The following STRIP1 variants were observed in gnomAD, a reference collection of about 807,000 sequenced individuals.
STRIP1 encodes striatin-interacting protein 1.
In STRIP1, 63 loss-of-function variants were observed where a neutral mutation model predicts 106.2. The observed-to-expected ratio is 0.59, with a 90% confidence interval of 0.48 to 0.73. STRIP1 has a LOEUF of 0.73. Among genes scored for constraint, STRIP1 ranks in the 30% least tolerant of loss-of-function variants. STRIP1 has a pLI of 0.00. For missense variants in STRIP1, 857 were observed against 1,074.8 expected, an observed-to-expected ratio of 0.80 and a Z score of 2.83; for synonymous variants, 390 against 413.0, an observed-to-expected ratio of 0.94 and a Z score of 0.67.
intron 17 of STRIP1, 108 bp from the exon 18 acceptor site, chr1:110,050,235 G>A: frequency 2.9e-6 from 3 of 1,032,956 alleles, no homozygotes; most frequent in Admixed American, 3.8e-5. Context: ...TCCTACTTCT[G>A]CTCCAACAAG....
At chr1:110,050,869 G>C (rs994229989) in intron 18 of STRIP1, 87 bp from the exon 19 acceptor site, 5 of 789,406 alleles carry the variant, frequency 6.3e-6, no homozygotes, top group East Asian at 2.5e-5. Context: ...AGACCCGGCT[G>C]TCCTGAGATC....
At position 110,037,887 on chromosome 1, in the gene STRIP1, G is replaced by GCAGGGCTATT; in HGVS notation, c.181-2_188dup. The stretch of plus-strand genomic sequence containing the variant: ...TTCCTAAAGCTCTCTCCTCTTGTCA[G>GCAGGGCTATT]CAGGGCTATTCGGAGTCACCAGACC... On this transcript the variant is annotated splice_polypyrimidine_tract_variant and splice_region_variant and intron_variant, in intron 1 of 20. Transcript: ENST00000369795. 4.4e-6 allele frequency: 7 copies of GCAGGGCTATT among 1,602,904 alleles called. No individual in the cohort carries two copies. The highest frequency in any genetic ancestry group is 6.0e-6 in the Non-Finnish European group (7 of 1,170,488).
intron 18 of STRIP1, 108 bp from the exon 19 acceptor site, chr1:110,050,848 T>C (rs1653264878): frequency 1.4e-6 from 1 of 695,350 alleles, no homozygotes; most frequent in African/African-American, 1.8e-5. Context: ...GGATTCCTGG[T>C]AGAGGCCTGG....
chr1:110,044,380 G>A (rs1029959243), intron 10 of STRIP1, among the ~76,000 whole-genome samples: 2 of 152,210 alleles, frequency 1.3e-5, no homozygotes, highest in African/African-American at 4.8e-5. Flanking sequence ...CTTGATCCAG[G>A]TAAAGCCTCA....
chr1:110,043,581 A>G (rs1289704309), intron 9 of STRIP1, 58 bp from the exon 10 acceptor site: 1 of 1,471,026 alleles, frequency 6.8e-7, no homozygotes, highest in African/African-American at 1.4e-5. Context: ...CTCTGGCTGC[A>G]CTTCCCTGGT....
chr1:110,039,360 G>T, intron 4 of STRIP1, 35 bp from the exon 5 acceptor site: 3 of 1,614,042 alleles, frequency 1.9e-6, no homozygotes, highest in South Asian at 1.1e-5. Context: ...CTCAGATGCA[G>T]GGAGGGGCTC....
intron 9 of STRIP1, 36 bp from the exon 10 acceptor site, chr1:110,043,603 G>T (rs772186947): frequency 2.3e-5 from 36 of 1,582,254 alleles, no homozygotes; most frequent in Non-Finnish European, 3.0e-5. Context: ...TGCGTCCTCA[G>T]TTGGCTCTTG....
chr1:110,044,171 C>A (rs1400881703), intron 10 of STRIP1, among the ~76,000 whole-genome samples: 1 of 152,230 alleles, frequency 6.6e-6, no homozygotes, highest in Non-Finnish European at 1.5e-5. Context: ...TGTCTCCACC[C>A]ATCCTGGGGT....
intron 19 of STRIP1, among the ~76,000 whole-genome samples, chr1:110,051,409 A>G (rs1193851232): frequency 6.6e-6 from 1 of 152,228 alleles, no homozygotes; most frequent in South Asian, 2.1e-4. Context: ...CTGTGTGTAC[A>G]TGTACACCGG....
chr1:110,045,248 G>C (rs1227045543), intron 12 of STRIP1, 170 bp downstream of exon 12: 1 of 610,070 alleles, frequency 1.6e-6, no homozygotes, highest in Admixed American at 3.0e-5. Flanking sequence ...AGTTTTGCTT[G>C]TTTTATTATA....
intron 15 of STRIP1, 94 bp from the exon 16 acceptor site, chr1:110,049,018 G>T (rs1653162090): frequency 6.7e-7 from 1 of 1,490,054 alleles, no homozygotes; most frequent in Admixed American, 1.8e-5. Flanking sequence ...AGGAGTCTTT[G>T]CCCAGGGAGG....
chr1:110,054,326 G>C lies in STRIP1; in HGVS notation c.*414G>C. 1 of 180,472 alleles carries C rather than the reference G, an allele frequency of 5.5e-6. No homozygotes were observed. Among genetic ancestry groups the C allele is most frequent in the Non-Finnish European group, 1.2e-5 (1 of 84,562 alleles). The allele number at this position is 180,472 out of a possible 1,614,324, so 11.2% of individuals were successfully genotyped here. A position where few individuals can be genotyped will look rare whatever the true frequency, so the allele number is the denominator to read the frequency against. ...CAGCTTGCAAAGGAGGAGAGTTTAG[G>C]ATTAGGGCCAGGGCCAGAAAGTCGG... On this transcript the variant is annotated 3_prime_UTR_variant, in exon 21 of 21. Coordinates refer to ENST00000369795, the MANE Select transcript of STRIP1 (RefSeq NM_033088.4).
At chr1:110,036,403 G>A (rs1652456319) in intron 1 of STRIP1, among the ~76,000 whole-genome samples, 1 of 152,042 alleles carries the variant, frequency 6.6e-6, no homozygotes, top group Non-Finnish European at 1.5e-5. Flanking sequence ...GCAGTGAGCC[G>A]AGATTGCACC....
chr1:110,044,255 A>G (rs1652912880), intron 10 of STRIP1, among the ~76,000 whole-genome samples: 1 of 152,276 alleles, frequency 6.6e-6, no homozygotes. Flanking sequence ...TGTTTGAGAT[A>G]TATGTGGGTA....
Position 110,039,218 on chromosome 1 carries a change from C to T in STRIP1, c.372C>T (p.Thr124=). The T allele has an allele frequency of 6.2e-7, 1 of 1,614,156 alleles. No individual in the cohort carries two copies. Among genetic ancestry groups the T allele is most frequent in the South Asian group, 1.1e-5 (1 of 91,072 alleles). Residue 124 remains threonine (T), a synonymous_variant, in exon 4 of 21, where the codon ACC becomes ACT. Transcript: ENST00000369795. ...AGCTGGATACCAACCAGCACCGGAC[C>T]CATGCCATGAGGCTCCTGGATGGCT... ...WTELDTNQHR[T]HAMRLLDGLE... is the part of the protein sequence containing the mutation.
chr1:110,034,761 C>T lies in STRIP1; in HGVS notation c.124C>T (p.Leu42Phe). 6.9e-6 allele frequency: 10 copies of T among 1,454,206 alleles called. No homozygotes were observed. Among genetic ancestry groups the T allele is most frequent in the Non-Finnish European group, 9.0e-6 (10 of 1,109,964 alleles). 90.1% of individuals were successfully genotyped at this position (1,454,206 alleles called of 1,614,324 possible). A position where few individuals can be genotyped will look rare whatever the true frequency, so the allele number is the denominator to read the frequency against. Residue 42 changes from leucine to phenylalanine, a missense_variant, in exon 1 of 21, where the codon CTC becomes TTC. This residue lies in a region of STRIP1 where 107 missense variants were observed against 85.1 expected (regional missense o/e 1.26). Transcript: ENST00000369795. ...PPGAPRAAAG[L>F]LPGGKAREFN... is the part of the protein sequence containing the mutation. ...CGGGGCACCGCGGGCCGCCGCGGGCCTCCTGCCTGGGGGCAAAGCCCGCGA... is the reference window on the plus strand; with the variant it reads ...CGGGGCACCGCGGGCCGCCGCGGGCTTCCTGCCTGGGGGCAAAGCCCGCGA...
intron 1 of STRIP1, among the ~76,000 whole-genome samples, chr1:110,036,997 A>T (rs531086952): frequency 3.3e-5 from 5 of 152,168 alleles, no homozygotes; most frequent in African/African-American, 7.2e-5. Context: ...ATATATTTTT[A>T]AAAAATTTTA....
intron 8 of STRIP1, chr1:110,042,874 A>G (rs1652830193): frequency 7.2e-6 from 4 of 551,840 alleles, no homozygotes. Flanking sequence ...GTCAGCCTGC[A>G]TCTCCACTCT....
chr1:110,043,584 TC>T (rs1652877670), intron 9 of STRIP1, 54 bp from the exon 10 acceptor site: 4 of 1,498,650 alleles, frequency 2.7e-6, no homozygotes, highest in Admixed American at 3.6e-5. Flanking sequence ...TGGCTGCACT[TC>T]CCTGGTCTGC....
Sources: gnomAD v4.1 joint callset for allele counts (sites outside exome capture counted in the v4.1 genomes callset) on GRCh38, gnomAD v4.1.1 for gene constraint, gnomAD v4.1.1 regional missense constraint, MANE v1.5 for transcripts, NCBI Gene and HGNC (gene_info 2026-07-23, HGNC 2026-07-21) for gene names.